The following DYNC2H1 variants were observed in gnomAD, a reference collection of about 807,000 sequenced individuals.
The protein encoded by DYNC2H1 is dynein cytoplasmic 2 heavy chain 1.
Under a neutral mutation model 570.0 loss-of-function variants are expected in DYNC2H1, and 410 were observed. The observed-to-expected ratio is 0.72, with a 90% confidence interval of 0.66 to 0.78. The LOEUF is 0.78. DYNC2H1 is among the 30% of genes least tolerant of loss of function. The pLI is 0.00. For missense variants in DYNC2H1, 4,865 were observed against 5,046.4 expected (o/e 0.96, Z 1.09); for synonymous variants, 1,688 against 1,677.6 (o/e 1.01, Z -0.15).
In DYNC2H1 at chr11:103,109,757, CT is replaced by C; in HGVS notation, c.187del (p.Ser63ProfsTer23). On this transcript the variant is annotated frameshift_variant, in exon 1 of 89. Transcript: ENST00000375735. LOFTEE classifies it high-confidence loss of function. ...RVQRSDAGIS[F>X]SNTIEFGDTK... ...TGCAGCGATCCGACGCAGGAATCTC[CT>C]TTTCCAACACGGTACGGTTCCTTGC... The C allele has an allele frequency of 6.2e-7, 1 of 1,613,520 alleles. No individual in the cohort carries two copies. The highest frequency in any genetic ancestry group is 8.5e-7 in the Non-Finnish European group (1 of 1,179,648).
chr11:103,301,234 C>T (rs945372073), intron 75 of DYNC2H1, among the ~76,000 whole-genome samples: 2 of 151,874 alleles, frequency 1.3e-5, no homozygotes, highest in African/African-American at 4.8e-5. Flanking sequence ...CTGTTAGAAA[C>T]TCAGTTTCTT....
intron 45 of DYNC2H1, among the ~76,000 whole-genome samples, chr11:103,190,491 TAAG>T (rs1480319227): frequency 6.6e-6 from 1 of 152,126 alleles, no homozygotes; most frequent in Non-Finnish European, 1.5e-5. Flanking sequence ...TGGTAGTTGT[TAAG>T]GAGGAGGTGA....
intron 3 of DYNC2H1, among the ~76,000 whole-genome samples, chr11:103,114,901 C>G (rs1215850432): frequency 6.6e-6 from 1 of 152,024 alleles, no homozygotes; most frequent in Non-Finnish European, 1.5e-5. Flanking sequence ...CTTTGGAACA[C>G]TAGACAGCAA....
intron 82 of DYNC2H1, among the ~76,000 whole-genome samples, chr11:103,339,032 G>A (rs1939303673): frequency 1.3e-5 from 2 of 152,222 alleles, no homozygotes; most frequent in South Asian, 4.1e-4. Flanking sequence ...AGCCATTTTA[G>A]CATTACCAGG....
intron 47 of DYNC2H1, among the ~76,000 whole-genome samples, chr11:103,196,703 C>G (rs1862519905): frequency 6.6e-6 from 1 of 152,076 alleles, no homozygotes; most frequent in African/African-American, 2.4e-5. Flanking sequence ...CTGAAAAGGA[C>G]TGGTAGTTGT....
At position 103,235,917 on chromosome 11, in the gene DYNC2H1, C is replaced by T. The variant is rs1864201165; in HGVS notation, c.9709+104C>T. 17 of 1,380,128 alleles carry T rather than the reference C, an allele frequency of 1.2e-5. No homozygotes were observed. The South Asian group carries it at 3.0e-4, about 24-fold the overall frequency. The allele number at this position is 1,380,128 out of a possible 1,614,324, so 85.5% of individuals were successfully genotyped here. A position where few individuals can be genotyped will look rare whatever the true frequency, so the allele number is the denominator to read the frequency against. On this transcript the variant is annotated intron_variant, in intron 62 of 88. Coordinates refer to ENST00000375735, the MANE Select transcript of DYNC2H1 (RefSeq NM_001377.3). ...AGACCCTTTATTCTCTGTTATTTTA[C>T]CTTTTTTAAATGGGGGAAATTTTAT...
At chr11:103,286,595 A>G (rs1327160408) in intron 74 of DYNC2H1, among the ~76,000 whole-genome samples, 1 of 152,018 alleles carries the variant, frequency 6.6e-6, no homozygotes, top group Non-Finnish European at 1.5e-5. Flanking sequence ...GGCTTTTTTT[A>G]TTCCTTTTGT....
chr11:103,236,848 T>C (rs985976000), intron 63 of DYNC2H1, among the ~76,000 whole-genome samples: 4 of 151,976 alleles, frequency 2.6e-5, no homozygotes, highest in African/African-American at 4.8e-5. Context: ...AGTTTCTTCA[T>C]GAGTACAGAC....
intron 87 of DYNC2H1, among the ~76,000 whole-genome samples, chr11:103,457,638 C>T (rs1944841864): frequency 6.6e-6 from 1 of 151,868 alleles, no homozygotes; most frequent in South Asian, 2.1e-4. Flanking sequence ...AAAACATAAA[C>T]ACATTGTACA....
intron 70 of DYNC2H1, among the ~76,000 whole-genome samples, chr11:103,263,904 A>T (rs1000155289): frequency 1.3e-5 from 2 of 152,206 alleles, no homozygotes; most frequent in Non-Finnish European, 2.9e-5. Flanking sequence ...TCTTAAAAAA[A>T]TCAATGAATC....
At position 103,209,183 on chromosome 11, in the gene DYNC2H1, C is replaced by A. The variant is rs1397790761; in HGVS notation, c.8455-693C>A. 6.6e-6 allele frequency among the ~76,000 whole-genome samples: 1 copy of A among 151,882 alleles called. No individual in the cohort carries two copies. The highest frequency in any genetic ancestry group is 2.4e-5 in the African/African-American group (1 of 41,364). ...CAAGATCACTTGTGTTTTCTTCTTGCTGGTAACTTCAGCTCTATCAGGTGA... is the reference window on the plus strand; with the variant it reads ...CAAGATCACTTGTGTTTTCTTCTTGATGGTAACTTCAGCTCTATCAGGTGA... On this transcript the variant is annotated intron_variant, in intron 52 of 88. Coordinates refer to ENST00000375735, the MANE Select transcript of DYNC2H1 (RefSeq NM_001377.3). The surrounding 1 kb of genome is among the most constrained non-coding windows in gnomAD (Gnocchi z 4.2).
rs1865450008 is a variant in DYNC2H1, at chr11:103,264,964, A to T, written c.10695+4987A>T. ...GGAGATGACATGATTGTATATTTAG[A>T]AAACCCCATCGTCTCAGCCCAAAAG... On this transcript the variant is annotated intron_variant, in intron 70 of 88. Transcript: ENST00000375735. The surrounding 1 kb of genome is among the most constrained non-coding windows in gnomAD (Gnocchi z 4.8). Among the ~76,000 whole-genome samples, 1 of 152,170 alleles carries T rather than the reference A, an allele frequency of 6.6e-6. No individual in the cohort carries two copies. The highest frequency in any genetic ancestry group is 6.5e-5 in the Admixed American group (1 of 15,276).
chr11:103,178,714 C>G (rs1861727533), intron 38 of DYNC2H1, among the ~76,000 whole-genome samples: 1 of 151,946 alleles, frequency 6.6e-6, no homozygotes, highest in South Asian at 2.1e-4. Flanking sequence ...AGATATACAA[C>G]AGAGCAAGCC....
In DYNC2H1 at chr11:103,313,376, A is replaced by G. The variant is rs189795346; in HGVS notation, c.11649+1343A>G. 2.0e-3 allele frequency among the ~76,000 whole-genome samples: 305 copies of G among 152,286 alleles called. 1 individual carries two copies. The highest frequency in any genetic ancestry group is 3.4e-3 in the Non-Finnish European group (230 of 68,006). On this transcript the variant is annotated intron_variant, in intron 79 of 88. Coordinates refer to ENST00000375735, the MANE Select transcript of DYNC2H1 (RefSeq NM_001377.3). The stretch of plus-strand genomic sequence containing the variant: ...TGCCATGGCAGTCATATCTGGTACT[A>G]ATGGTCAATTCTTCTTGCCAAATGC...
Position 103,199,427 on chromosome 11 carries a change from A to G in DYNC2H1, c.8039A>G (p.Lys2680Arg). 1.2e-6 allele frequency: 2 copies of G among 1,611,970 alleles called. No homozygotes were observed. The highest frequency in any genetic ancestry group is 1.7e-6 in the Non-Finnish European group (2 of 1,178,918). The change falls in exon 49 of 89, where the codon AAG becomes AGG. Residue 2680 changes from lysine to arginine, a missense_variant. By Grantham distance (26) the Lys-to-Arg change is conservative. Transcript: ENST00000375735. The surrounding 1 kb of genome is among the most constrained non-coding windows in gnomAD (Gnocchi z 4.6). ...HMHGAVLFSPKISRGYELKQF... is the reference protein window; with the variant it reads ...HMHGAVLFSPRISRGYELKQF... ...CATGGAGCGGTCCTGTTTTCTCCAAAGATTTCCAGAGGATATGAACTGAAG... is the reference window on the plus strand; with the variant it reads ...CATGGAGCGGTCCTGTTTTCTCCAAGGATTTCCAGAGGATATGAACTGAAG...
At chr11:103,414,810 GAATACAACTTTCAAGA>G in intron 84 of DYNC2H1, among the ~76,000 whole-genome samples, 1 of 152,078 alleles carries the variant, frequency 6.6e-6, no homozygotes, top group East Asian at 1.9e-4. Flanking sequence ...AAATACCTAA[GAATACAACTTTCAAGA>G]ATGTGAAGGA....
intron 83 of DYNC2H1, among the ~76,000 whole-genome samples, chr11:103,394,411 A>G (rs1205093253): frequency 1.3e-5 from 2 of 152,206 alleles, no homozygotes; most frequent in Admixed American, 6.5e-5. Context: ...ATTAGGTGTT[A>G]TAAGTAACCT....
At chr11:103,236,663 T>TA in intron 63 of DYNC2H1, 124 bp downstream of exon 63, 1 of 527,854 alleles carries the variant, frequency 1.9e-6, no homozygotes, top group Non-Finnish European at 3.3e-6. Flanking sequence ...AAAAATATTT[T>TA]GCTAATGAAA....
chr11:103,214,674 C>G (rs1400910995), intron 54 of DYNC2H1, among the ~76,000 whole-genome samples: 2 of 151,908 alleles, frequency 1.3e-5, no homozygotes, highest in African/African-American at 4.8e-5. Context: ...AACTCCTGAC[C>G]TCAAGTGATC....
Sources: gnomAD v4.1 joint callset for allele counts (sites outside exome capture counted in the v4.1 genomes callset) on GRCh38, gnomAD v4.1.1 for gene constraint, Gnocchi (gnomAD v3.1) non-coding constraint, MANE v1.5 for transcripts, NCBI Gene and HGNC (gene_info 2026-07-23, HGNC 2026-07-21) for gene names.